Variants in SMPD4 observed in about 807,000 individuals in gnomAD.
SMPD4 encodes sphingomyelin phosphodiesterase 4.
Under a neutral mutation model 97.8 loss-of-function variants are expected in SMPD4, and 58 were observed. The observed-to-expected ratio is 0.59, with a 90% confidence interval of 0.48 to 0.74. The LOEUF (loss-of-function observed/expected upper bound fraction) is 0.74. Among genes scored for constraint, SMPD4 ranks in the 30% least tolerant of loss-of-function variants. The pLI is 0.00. For synonymous variants in SMPD4, 388 were observed against 450.0 expected (o/e 0.86, Z 1.74); for missense variants, 853 against 1,080.5 (o/e 0.79, Z 2.95).
chr2:130,154,259 C>G lies in SMPD4; in HGVS notation c.1659+18G>C, dbSNP rs767981130. The G allele has an allele frequency of 6.4e-7, 1 of 1,568,974 alleles. No homozygotes were observed. The highest frequency in any genetic ancestry group is 1.7e-5 in the Admixed American group (1 of 57,232). ...TGGCTCCAGGGGCCCTGAGGACAGG[C>G]ACCGCCGAACCACTCACCAGGGTGC... On this transcript the variant is annotated intron_variant, in intron 16 of 19. Coordinates refer to ENST00000680298, the MANE Select transcript of SMPD4 (RefSeq NM_017951.5).
In SMPD4 at chr2:130,173,300, G is replaced by A. The variant is rs770421906; in HGVS notation, c.324C>T (p.Asp108=). ...TTACAGGCAAGTAGGAGACAGGAAA[G>A]TCGAACTTATAGTCTTCAGCTTGAA... ...YKLQAEDYKF[D]FPVSYLPGPV... is the part of the protein sequence containing the mutation. The change falls in exon 5 of 20, where the codon GAC becomes GAT. Residue 108 remains aspartate, a synonymous_variant. Transcript: ENST00000680298. 15 of 1,613,776 alleles carry A rather than the reference G, an allele frequency of 9.3e-6. No individual in the cohort carries two copies. The highest frequency in any genetic ancestry group is 8.5e-7 in the Non-Finnish European group (1 of 1,179,832).
intron 11 of SMPD4, among the ~76,000 whole-genome samples, chr2:130,160,737 T>G (rs1470289658): frequency 1.3e-5 from 2 of 151,902 alleles, no homozygotes; most frequent in African/African-American, 4.8e-5. Context: ...GGGTGACAGT[T>G]CTGAACAAGG....
At chr2:130,165,862 C>T (rs745631779) in intron 9 of SMPD4, among the ~76,000 whole-genome samples, 9 of 152,210 alleles carry the variant, frequency 5.9e-5, no homozygotes, top group African/African-American at 1.7e-4. Context: ...GAGGCCCCTG[C>T]GCCCGGGCTG....
intron 11 of SMPD4, among the ~76,000 whole-genome samples, chr2:130,160,098 C>A (rs574657685): frequency 1.1e-4 from 16 of 152,260 alleles, no homozygotes; most frequent in African/African-American, 3.6e-4. Context: ...TCCCCAAAGC[C>A]GCACATTTCC....
At chr2:130,170,405 A>C in intron 8 of SMPD4, among the ~76,000 whole-genome samples, 1 of 144,012 alleles carries the variant, frequency 6.9e-6, no homozygotes, top group Non-Finnish European at 1.5e-5. Context: ...GAATCACTTG[A>C]AGCAGAGACA....
intron 8 of SMPD4, among the ~76,000 whole-genome samples, chr2:130,167,927 C>G (rs1688086518): frequency 6.6e-6 from 1 of 152,164 alleles, no homozygotes; most frequent in South Asian, 2.1e-4. Context: ...GGGGTTCACA[C>G]CTGTGAGCAT....
Position 130,152,360 on chromosome 2 carries a change from C to A in SMPD4, c.*195G>T. 1 of 630,598 alleles carries A rather than the reference C, an allele frequency of 1.6e-6. No individual in the cohort carries two copies. The highest frequency in any genetic ancestry group is 2.7e-6 in the Non-Finnish European group (1 of 367,426). 39.1% of individuals were successfully genotyped at this position (630,598 alleles called of 1,614,324 possible). A position where few individuals can be genotyped will look rare whatever the true frequency, so the allele number is the denominator to read the frequency against. The stretch of plus-strand genomic sequence containing the variant: ...CGTAGCTGTTGAGCCCTGGCAGCTA[C>A]TCCTTTGCTGGGGCCCACCTGCCTT... On this transcript the variant is annotated 3_prime_UTR_variant, in exon 20 of 20. Coordinates refer to ENST00000680298, the MANE Select transcript of SMPD4 (RefSeq NM_017951.5).
rs1403261398 is a variant in SMPD4, at chr2:130,152,604, G to A, written c.2435C>T (p.Ala812Val). The A allele has an allele frequency of 1.9e-6, 3 of 1,551,706 alleles. No homozygotes were observed. Among genetic ancestry groups the A allele is most frequent in the East Asian group, 4.9e-5 (2 of 41,084 alleles). Residue 812 changes from alanine to valine, a missense_variant, in exon 20 of 20, where the codon GCC (alanine) becomes GTC (valine). Coordinates refer to ENST00000680298, the MANE Select transcript of SMPD4 (RefSeq NM_017951.5). Reference protein sequence around the residue: ...LLLTLGYVLYASAMTLLTERG... With the variant: ...LLLTLGYVLYVSAMTLLTERG... ...CTCGGTCAGCAGTGTCATGGCAGAG[G>A]CGTAGAGGACATAGCCCAGGGTGAG...
Position 130,156,151 on chromosome 2 carries a change from G to C in SMPD4, c.1189-16C>G. ...TCTCCAGGACCTGTGGGGGAGGTGT[G>C]TGCTAAGGGCTCCGTGGCTGGGGGC... On this transcript the variant is annotated splice_polypyrimidine_tract_variant and intron_variant, in intron 13 of 19. Transcript: ENST00000680298. The C allele has an allele frequency of 6.3e-7, 1 of 1,593,722 alleles. No homozygotes were observed. Among genetic ancestry groups the C allele is most frequent in the Non-Finnish European group, 8.6e-7 (1 of 1,165,958 alleles).
intron 8 of SMPD4, among the ~76,000 whole-genome samples, chr2:130,169,567 T>C (rs1432769869): frequency 6.6e-6 from 1 of 151,760 alleles, no homozygotes; most frequent in East Asian, 1.9e-4. Context: ...AAAGTTTCTT[T>C]TTTTTTTTTT....
intron 11 of SMPD4, among the ~76,000 whole-genome samples, chr2:130,158,786 TC>T (rs1305191160): frequency 6.6e-6 from 1 of 152,028 alleles, no homozygotes; most frequent in African/African-American, 2.4e-5. Context: ...TCCACACTTG[TC>T]CCCTAGCCCT....
intron 8 of SMPD4, among the ~76,000 whole-genome samples, chr2:130,169,186 C>A (rs1479742953): frequency 6.6e-6 from 1 of 151,732 alleles, no homozygotes; most frequent in Non-Finnish European, 1.5e-5. Flanking sequence ...GCAAATACCA[C>A]ACAGCCTAAG....
chr2:130,163,588 G>GC (rs1687631907), intron 10 of SMPD4, among the ~76,000 whole-genome samples: 1 of 152,392 alleles, frequency 6.6e-6, no homozygotes, highest in East Asian at 1.9e-4. Flanking sequence ...CTGATGCACA[G>GC]ACGCCATGGG....
chr2:130,162,806 C>T (rs954201711), intron 10 of SMPD4, among the ~76,000 whole-genome samples: 1 of 152,220 alleles, frequency 6.6e-6, no homozygotes, highest in South Asian at 2.1e-4. Flanking sequence ...AGTTTTCTTG[C>T]GTTTTGTGTT....
intron 8 of SMPD4, among the ~76,000 whole-genome samples, chr2:130,171,146 TTG>T (rs1553438317): frequency 6.6e-6 from 1 of 151,196 alleles, no homozygotes; most frequent in African/African-American, 2.4e-5. Context: ...TTTTTTTTTT[TTG>T]TGTGTGTGTA....
intron 2 of SMPD4, among the ~76,000 whole-genome samples, chr2:130,176,105 G>A (rs1416306483): frequency 6.6e-6 from 1 of 151,994 alleles, no homozygotes; most frequent in East Asian, 1.9e-4. Flanking sequence ...CTCCAGGCAT[G>A]AGCCACTGCA....
At chr2:130,181,629 G>C (rs1689654459), upstream of SMPD4, 2 of 1,572,986 alleles carry the variant, frequency 1.3e-6, no homozygotes. Flanking sequence ...CACGCCCCGC[G>C]GCCGGGCGGG....
chr2:130,166,841 G>A (rs1687974082), intron 9 of SMPD4, among the ~76,000 whole-genome samples: 1 of 152,222 alleles, frequency 6.6e-6, no homozygotes, highest in African/African-American at 2.4e-5. Flanking sequence ...AAGGCCTGTG[G>A]AGGCTGCACA....
intron 18 of SMPD4, 63 bp from the exon 19 acceptor site, chr2:130,153,234 C>T (rs76145869): frequency 6.2e-7 from 1 of 1,612,940 alleles, no homozygotes; most frequent in East Asian, 2.2e-5. Flanking sequence ...TCAGAGGAGC[C>T]TGATGGCCTC....
Sources: gnomAD v4.1 joint callset for allele counts (sites outside exome capture counted in the v4.1 genomes callset) on GRCh38, gnomAD v4.1.1 for gene constraint, MANE v1.5 for transcripts, NCBI Gene and HGNC (gene_info 2026-07-23, HGNC 2026-07-21) for gene names.